MBD2: variants seen among roughly 807,000 people sequenced by gnomAD.
The protein encoded by MBD2 is methyl-CpG-binding domain protein 2.
In MBD2, 9 loss-of-function variants were observed where a neutral mutation model predicts 39.3. That is an observed-to-expected ratio of 0.23 (90% CI 0.14 to 0.40). The LOEUF (loss-of-function observed/expected upper bound fraction) is 0.40. Ranked by LOEUF, MBD2 falls within the 10% of genes least tolerant of loss-of-function variation. The pLI, the probability that MBD2 is intolerant of heterozygous loss-of-function variation, is 1.00. For missense variants in MBD2, 458 were observed against 532.6 expected (o/e 0.86, Z 1.38); for synonymous variants, 233 against 211.1 (o/e 1.10, Z -0.90).
intron 1 of MBD2, among the ~76,000 whole-genome samples, chr18:54,209,146 A>T (rs2144337532): frequency 6.6e-6 from 1 of 152,196 alleles, no homozygotes; most frequent in South Asian, 2.1e-4. Context: ...ATACAAAAAA[A>T]TTAGCCCAGC....
chr18:54,205,957 T>TACAC (rs10558467), intron 1 of MBD2, among the ~76,000 whole-genome samples: 4,469 of 145,936 alleles, frequency 0.031, 93 homozygotes, highest in Middle Eastern at 0.06. Flanking sequence ...AACACACACA[T>TACAC]ACACACACAC....
At chr18:54,211,700 C>T (rs2086509125) in intron 1 of MBD2, among the ~76,000 whole-genome samples, 1 of 152,164 alleles carries the variant, frequency 6.6e-6, no homozygotes, top group Admixed American at 6.5e-5. Context: ...GATAAGCTAA[C>T]TTTGCTCGTC....
intron 6 of MBD2, among the ~76,000 whole-genome samples, chr18:54,156,425 T>A (rs975269571): frequency 6.6e-6 from 1 of 152,220 alleles, no homozygotes; most frequent in African/African-American, 2.4e-5. Context: ...GTTATTACTA[T>A]TATCCACATT....
intron 6 of MBD2, among the ~76,000 whole-genome samples, chr18:54,155,560 C>A (rs146793425): frequency 2.0e-5 from 3 of 152,204 alleles, no homozygotes; most frequent in African/African-American, 2.4e-5. Flanking sequence ...CATATGTATT[C>A]TTCTATGTTT....
Position 54,224,002 on chromosome 18 carries a change from GC to G in MBD2, c.542+15del, listed in dbSNP as rs2086637211. On this transcript the variant is annotated intron_variant, in intron 1 of 6. Transcript: ENST00000256429. Reference sequence around the variant, plus strand: ...GGCCTGACCCCGCCACCCCCTCCCCGCCCCCAGGGAGGTACCTGAAGTAGTA... The same window carrying G: ...GGCCTGACCCCGCCACCCCCTCCCCGCCCCAGGGAGGTACCTGAAGTAGTA... 5 of 475,708 alleles carry G rather than the reference GC, an allele frequency of 1.1e-5. No individual in the cohort carries two copies. Among genetic ancestry groups the G allele is most frequent in the African/African-American group, 2.8e-5 (1 of 35,278 alleles). The allele number at this position is 475,708 out of a possible 1,614,324, so 29.5% of individuals were successfully genotyped here. A position where few individuals can be genotyped will look rare whatever the true frequency, so the allele number is the denominator to read the frequency against.
At chr18:54,180,897 C>CCTTTTTTTTTTTTTTTTTTTTTTT (rs2086246150) in intron 3 of MBD2, among the ~76,000 whole-genome samples, 2 of 105,372 alleles carry the variant, frequency 1.9e-5, no homozygotes, top group African/African-American at 7.8e-5. Flanking sequence ...TTAATTTTTT[C>CCTTTTTTTTTTTTTTTTTTTTTTT]TTTTTCTTTT....
chr18:54,194,837 C>T (rs1030243694), intron 2 of MBD2, among the ~76,000 whole-genome samples: 6 of 152,030 alleles, frequency 3.9e-5, no homozygotes, highest in African/African-American at 9.7e-5. Flanking sequence ...TCAACATCTA[C>T]ATAAAGTCCT....
intron 3 of MBD2, among the ~76,000 whole-genome samples, chr18:54,168,382 G>T (rs2086151583): frequency 6.6e-6 from 1 of 151,166 alleles, no homozygotes; most frequent in South Asian, 2.1e-4. Flanking sequence ...TCACATCCTG[G>T]TACCACCACA....
intron 3 of MBD2, among the ~76,000 whole-genome samples, chr18:54,180,068 C>G (rs2086240240): frequency 6.6e-6 from 1 of 152,018 alleles, no homozygotes; most frequent in African/African-American, 2.4e-5. Flanking sequence ...CAATTCATTT[C>G]TAATATTAGC....
intron 1 of MBD2, among the ~76,000 whole-genome samples, chr18:54,208,109 T>C (rs1294778403): frequency 6.6e-6 from 1 of 152,080 alleles, no homozygotes; most frequent in Non-Finnish European, 1.5e-5. Flanking sequence ...TTATCAGATA[T>C]CAGATACTCA....
At chr18:54,212,940 G>A (rs1456108361) in intron 1 of MBD2, among the ~76,000 whole-genome samples, 1 of 151,600 alleles carries the variant, frequency 6.6e-6, no homozygotes, top group East Asian at 1.9e-4. Context: ...GCTGAGGTGA[G>A]AGGATTGCTT....
At chr18:54,167,835 G>A (rs762013439) in intron 3 of MBD2, among the ~76,000 whole-genome samples, 13 of 151,908 alleles carry the variant, frequency 8.6e-5, no homozygotes, top group Non-Finnish European at 5.9e-5. Context: ...AAGTAGTAAG[G>A]TGGAGGTAAT....
At chr18:54,205,728 C>G (rs1332673165) in intron 1 of MBD2, among the ~76,000 whole-genome samples, 1 of 152,112 alleles carries the variant, frequency 6.6e-6, no homozygotes, top group Non-Finnish European at 1.5e-5. Context: ...CACAGCCTAT[C>G]CCACTGGTCA....
At chr18:54,157,699 G>A (rs181408706) in intron 6 of MBD2, among the ~76,000 whole-genome samples, 1 of 152,164 alleles carries the variant, frequency 6.6e-6, no homozygotes, top group Non-Finnish European at 1.5e-5. Context: ...CTATGGAAGG[G>A]GATAATTGTG....
intron 3 of MBD2, among the ~76,000 whole-genome samples, chr18:54,182,544 C>T (rs776324614): frequency 6.6e-6 from 1 of 152,138 alleles, no homozygotes; most frequent in East Asian, 1.9e-4. Context: ...GAGAGGTAAG[C>T]AAAAGGGCTT....
At chr18:54,193,310 C>T (rs539454259) in intron 2 of MBD2, among the ~76,000 whole-genome samples, 2 of 152,144 alleles carry the variant, frequency 1.3e-5, no homozygotes, top group Non-Finnish European at 2.9e-5. Context: ...CTTCTTATAT[C>T]TTCAATATAA....
chr18:54,164,238 G>C (rs2086115084), intron 5 of MBD2, among the ~76,000 whole-genome samples: 1 of 152,182 alleles, frequency 6.6e-6, no homozygotes, highest in African/African-American at 2.4e-5. Context: ...AAAAGACACT[G>C]TAAAAATGAT....
intron 2 of MBD2, among the ~76,000 whole-genome samples, chr18:54,200,115 A>C (rs770302778): frequency 2.0e-5 from 3 of 152,208 alleles, no homozygotes; most frequent in Non-Finnish European, 4.4e-5. Flanking sequence ...CAGACTTAAC[A>C]CACAACTGAT....
At chr18:54,178,383 A>C (rs559125510) in intron 3 of MBD2, among the ~76,000 whole-genome samples, 2 of 152,378 alleles carry the variant, frequency 1.3e-5, no homozygotes, top group South Asian at 4.1e-4. Context: ...ATATCTGTAA[A>C]ACAATAAATG....
Sources: allele counts gnomAD v4.1 joint callset (sites outside exome capture counted in the v4.1 genomes callset), GRCh38; gene constraint gnomAD v4.1.1; transcripts MANE v1.5; gene names NCBI Gene and HGNC (gene_info 2026-07-23, HGNC 2026-07-21).